Variants in ATG4A observed in about 807,000 individuals in gnomAD.
ATG4A encodes the protein cysteine protease ATG4A.
A neutral mutation model predicts 38.4 loss-of-function variants in ATG4A; 22 were observed. The observed-to-expected ratio is 0.57, with a 90% CI of 0.41 to 0.82. The LOEUF is 0.82. Ranked by LOEUF, ATG4A falls within the 40% of genes least tolerant of loss-of-function variation. The pLI, the probability that ATG4A is intolerant of heterozygous loss-of-function variation, is 0.00. For missense variants in ATG4A, 220 were observed against 290.0 expected, an observed-to-expected ratio of 0.76 and a Z score of 1.75; for synonymous variants, 86 against 100.7, an observed-to-expected ratio of 0.85 and a Z score of 0.88.
chrX:108,127,688 G>T (rs2032837300), intron 2 of ATG4A, among the ~76,000 whole-genome samples: 1 of 112,192 alleles, frequency 8.9e-6, no homozygotes, highest in Non-Finnish European at 1.9e-5. Context: ...TTTCCGATTT[G>T]CTCCAAAGAA....
chrX:108,153,812 C>A lies in ATG4A; in HGVS notation c.*100C>A. ...TTCTAGTCAGCAAGTGCCTGATATGCCAATAGCATACAAACTCAATAGCAA... is the reference window on the plus strand; with the variant it reads ...TTCTAGTCAGCAAGTGCCTGATATGACAATAGCATACAAACTCAATAGCAA... On this transcript the variant is annotated 3_prime_UTR_variant, in exon 13 of 13. Coordinates refer to ENST00000372232, the MANE Select transcript of ATG4A (RefSeq NM_052936.5). 1.6e-6 allele frequency: 1 copy of A among 608,408 alleles called. No homozygotes were observed. Among genetic ancestry groups the A allele is most frequent in the Non-Finnish European group, 2.7e-6 (1 of 369,116 alleles). 50.1% of individuals were successfully genotyped at this position (608,408 alleles called of 1,213,427 possible).
intron 1 of ATG4A, among the ~76,000 whole-genome samples, chrX:108,123,949 C>T (rs188687100): frequency 1.8e-5 from 2 of 112,756 alleles, no homozygotes; most frequent in African/African-American, 3.2e-5. Flanking sequence ...TCCATCCTCA[C>T]CCCTACCAAG....
chrX:108,151,371 C>T (rs1225749287), intron 10 of ATG4A, among the ~76,000 whole-genome samples: 1 of 112,349 alleles, frequency 8.9e-6, no homozygotes, highest in Non-Finnish European at 1.9e-5. Context: ...ATGGTTCTCT[C>T]TATTCTGATA....
chrX:108,095,866 G>A (rs1408899208), intron 1 of ATG4A, among the ~76,000 whole-genome samples: 2 of 109,695 alleles, frequency 1.8e-5, no homozygotes, highest in Non-Finnish European at 3.8e-5. Flanking sequence ...ATGTACCTCC[G>A]TGCCGGCTAA....
intron 1 of ATG4A, among the ~76,000 whole-genome samples, chrX:108,103,914 T>G (rs1383474015): frequency 8.9e-6 from 1 of 111,972 alleles, no homozygotes; most frequent in Non-Finnish European, 1.9e-5. Flanking sequence ...TGGTGCGATC[T>G]TAGCTCACTG....
chrX:108,133,936 C>A, intron 4 of ATG4A, 121 bp from the exon 5 acceptor site: 1 of 498,709 alleles, frequency 2.0e-6, no homozygotes, highest in Non-Finnish European at 3.3e-6. Context: ...CTAACTTGGT[C>A]ATCCCTGCCT....
intron 1 of ATG4A, among the ~76,000 whole-genome samples, chrX:108,108,298 C>G (rs764661869): frequency 9.3e-6 from 1 of 107,379 alleles, no homozygotes; most frequent in Non-Finnish European, 1.9e-5. Flanking sequence ...GATTCCTAGC[C>G]ACCAGGAATA....
chrX:108,106,137 G>A (rs1392869555), intron 1 of ATG4A, among the ~76,000 whole-genome samples: 2 of 110,781 alleles, frequency 1.8e-5, no homozygotes, highest in African/African-American at 6.6e-5. Context: ...TTCAGTTCAA[G>A]GTATTTTTTT....
upstream of ATG4A, among the ~76,000 whole-genome samples, chrX:108,090,326 T>C (rs192991767): frequency 8.9e-6 from 1 of 112,240 alleles, no homozygotes; most frequent in East Asian, 2.8e-4. Flanking sequence ...ATAAATTGCA[T>C]TTCTTCATGT....
At chrX:108,115,118 C>CGT (rs748772447) in intron 1 of ATG4A, among the ~76,000 whole-genome samples, 9,793 of 90,029 alleles carry the variant, frequency 0.11, 524 homozygotes, top group African/African-American at 0.19. Flanking sequence ...TGCATGTATG[C>CGT]GTGTGTGTGT....
intron 9 of ATG4A, among the ~76,000 whole-genome samples, chrX:108,143,256 C>T (rs781409131): frequency 8.9e-6 from 1 of 112,016 alleles, no homozygotes; most frequent in African/African-American, 3.2e-5. Flanking sequence ...GTCACGTGGT[C>T]GTAGCTAGTA....
At chrX:108,106,555 C>G (rs1389590563) in intron 1 of ATG4A, among the ~76,000 whole-genome samples, 1 of 111,825 alleles carries the variant, frequency 8.9e-6, no homozygotes. Context: ...TCACAAATTT[C>G]CTTTAGCCAT....
At chrX:108,123,782 T>C (rs1442203341) in intron 1 of ATG4A, among the ~76,000 whole-genome samples, 1 of 111,948 alleles carries the variant, frequency 8.9e-6, no homozygotes, top group Non-Finnish European at 1.9e-5. Flanking sequence ...GCAAGGCAGT[T>C]GTCACAAGCT....
intron 3 of ATG4A, among the ~76,000 whole-genome samples, chrX:108,129,693 C>T (rs1014384985): frequency 5.5e-5 from 6 of 108,177 alleles, no homozygotes; most frequent in Non-Finnish European, 9.6e-5. Flanking sequence ...GCCTCAGCCT[C>T]CCGAGTAGCT....
chrX:108,103,921 A>T (rs991757758), intron 1 of ATG4A, among the ~76,000 whole-genome samples: 12 of 111,686 alleles, frequency 1.1e-4, no homozygotes, highest in African/African-American at 3.9e-4. Flanking sequence ...ATCTTAGCTC[A>T]CTGCAACCTC....
chrX:108,120,454 CA>C (rs2032619881), intron 1 of ATG4A, among the ~76,000 whole-genome samples: 1 of 111,939 alleles, frequency 8.9e-6, no homozygotes, highest in African/African-American at 3.3e-5. Context: ...TAGACGTTTC[CA>C]AATGCATTTC....
chrX:108,119,175 A>G (rs911546647), intron 1 of ATG4A, among the ~76,000 whole-genome samples: 1 of 111,874 alleles, frequency 8.9e-6, no homozygotes, highest in Non-Finnish European at 1.9e-5. Context: ...AACTCCTTAT[A>G]ATAAAACTGT....
chrX:108,128,805 T>C lies in ATG4A; in HGVS notation c.146T>C (p.Ile49Thr), dbSNP rs762449608. ...KTEKSKLLSD[I>T]SARLWFTYRR... ...GAAAAATCTAAGCTGTTGTCTGATA[T>C]AAGTGCTCGTCTATGGTTTACATAC... is the stretch of plus-strand genomic sequence containing the variant. Residue 49 changes from isoleucine to threonine, a missense_variant, in exon 3 of 13, where the codon ATA (isoleucine) becomes ACA (threonine). Physicochemically the swap from Ile to Thr is moderately conservative, Grantham distance 89 (BLOSUM62 -1). This residue lies in a region of ATG4A where 61 missense variants were observed against 83.3 expected (regional missense o/e 0.73). Transcript: ENST00000372232. The C allele has an allele frequency of 2.5e-6, 3 of 1,186,321 alleles. No individual in the cohort carries two copies. The highest frequency in any genetic ancestry group is 3.8e-5 in the South Asian group (2 of 52,676).
At chrX:108,105,236 T>C (rs963849501) in intron 1 of ATG4A, among the ~76,000 whole-genome samples, 3 of 111,734 alleles carry the variant, frequency 2.7e-5, no homozygotes, top group African/African-American at 9.8e-5. Context: ...GGACTGGCTT[T>C]GTACAGGGAA....
Sources: allele counts gnomAD v4.1 joint callset (sites outside exome capture counted in the v4.1 genomes callset), GRCh38; gene constraint gnomAD v4.1.1; regional missense constraint gnomAD v4.1.1; transcripts MANE v1.5; gene names NCBI Gene and HGNC (gene_info 2026-07-23, HGNC 2026-07-21).